AP3B1: variants seen among roughly 807,000 people sequenced by gnomAD.
The protein encoded by AP3B1 is adaptor related protein complex 3 subunit beta 1.
Under a neutral mutation model 132.5 loss-of-function variants are expected in AP3B1, and 61 were observed. The observed-to-expected ratio is 0.46, with a 90% CI of 0.37 to 0.57. AP3B1 has a LOEUF of 0.57. Ranked by LOEUF, AP3B1 falls within the 20% of genes least tolerant of loss-of-function variation. The pLI is 0.00. For synonymous variants in AP3B1, 388 were observed against 438.3 expected (o/e 0.89, Z 1.43); for missense variants, 1,120 against 1,289.4 (o/e 0.87, Z 2.01).
intron 3 of AP3B1, among the ~76,000 whole-genome samples, chr5:78,229,804 G>A (rs1029511373): frequency 1.3e-5 from 2 of 151,848 alleles, no homozygotes; most frequent in Admixed American, 1.3e-4. Context: ...GAAATGAGGG[G>A]AAAAAGTTGG....
At chr5:78,012,286 A>G (rs1008450401) in intron 26 of AP3B1, among the ~76,000 whole-genome samples, 3 of 152,036 alleles carry the variant, frequency 2.0e-5, no homozygotes, top group Non-Finnish European at 2.9e-5. Context: ...ATATTATTAT[A>G]ATGTAAACAC....
Position 78,039,769 on chromosome 5 carries a change from C to G in AP3B1, c.2578-495G>C, listed in dbSNP as rs1395693826. Among the ~76,000 whole-genome samples, 3 of 135,612 alleles carry G rather than the reference C, an allele frequency of 2.2e-5. No individual in the cohort carries two copies. In the East Asian group the frequency reaches 6.2e-4, roughly 28 times the overall value. The allele number at this position is 135,612 out of a possible 152,430, so 89.0% of individuals were successfully genotyped here. On this transcript the variant is annotated intron_variant, in intron 22 of 26. Transcript: ENST00000255194. ...CTCCAGCCTGGGCGACAGAGCGAGA[C>G]TCCGTCTCAAAAAAAAAAAAAAAGA... is the stretch of plus-strand genomic sequence containing the variant.
intron 6 of AP3B1, among the ~76,000 whole-genome samples, chr5:78,223,151 T>G (rs946155299): frequency 1.4e-4 from 21 of 151,532 alleles, no homozygotes; most frequent in African/African-American, 4.9e-4. Flanking sequence ...TGAACAATGG[T>G]GCGTGGCCAG....
At chr5:78,110,702 G>A (rs892922931) in intron 19 of AP3B1, among the ~76,000 whole-genome samples, 1 of 151,486 alleles carries the variant, frequency 6.6e-6, no homozygotes. Flanking sequence ...GTGTGTGTGT[G>A]TGTGTGTGTG....
intron 26 of AP3B1, among the ~76,000 whole-genome samples, chr5:78,010,665 C>A (rs1346322307): frequency 6.6e-6 from 1 of 152,100 alleles, no homozygotes; most frequent in Non-Finnish European, 1.5e-5. Flanking sequence ...GTTTTCCTGG[C>A]CCTGAATGAA....
intron 22 of AP3B1, among the ~76,000 whole-genome samples, chr5:78,075,085 C>T (rs894563296): frequency 1.3e-5 from 2 of 152,082 alleles, no homozygotes; most frequent in Admixed American, 1.3e-4. Flanking sequence ...TCCTTGCAGA[C>T]CAACTTGAAA....
chr5:78,292,608 AC>A (rs1478697422), intron 1 of AP3B1, among the ~76,000 whole-genome samples: 3 of 152,182 alleles, frequency 2.0e-5, no homozygotes, highest in Non-Finnish European at 4.4e-5. Context: ...GCAGAGAAGT[AC>A]CTGGTAATAA....
chr5:78,249,934 A>G (rs1185331010), intron 2 of AP3B1, among the ~76,000 whole-genome samples: 1 of 152,128 alleles, frequency 6.6e-6, no homozygotes, highest in Non-Finnish European at 1.5e-5. Context: ...TTCTTCTGTT[A>G]TCACCATTCT....
intron 22 of AP3B1, among the ~76,000 whole-genome samples, chr5:78,064,029 C>T (rs1198501429): frequency 6.8e-6 from 1 of 147,152 alleles, no homozygotes; most frequent in Non-Finnish European, 1.5e-5. Context: ...GGGGGTCGGG[C>T]AGGAAGAGGG....
intron 3 of AP3B1, among the ~76,000 whole-genome samples, chr5:78,234,495 C>T (rs571835643): frequency 5.9e-5 from 9 of 152,260 alleles, no homozygotes; most frequent in African/African-American, 2.2e-4. Context: ...CCTAAGAATA[C>T]AGCAATGGTA....
chr5:78,049,414 G>C (rs1748484958), intron 22 of AP3B1, among the ~76,000 whole-genome samples: 1 of 152,132 alleles, frequency 6.6e-6, no homozygotes, highest in African/African-American at 2.4e-5. Flanking sequence ...TCAATGAGTT[G>C]TACCAGCCCT....
intron 22 of AP3B1, among the ~76,000 whole-genome samples, chr5:78,074,741 G>A (rs1252813155): frequency 6.6e-6 from 1 of 152,184 alleles, no homozygotes; most frequent in Non-Finnish European, 1.5e-5. Context: ...CTGAGGTTAG[G>A]AGTTCGAGAC....
At chr5:78,035,629 T>G (rs1345883801) in intron 23 of AP3B1, among the ~76,000 whole-genome samples, 1 of 152,088 alleles carries the variant, frequency 6.6e-6, no homozygotes, top group Non-Finnish European at 1.5e-5. Context: ...AATGCTGATT[T>G]TAAAATGCTA....
intron 17 of AP3B1, among the ~76,000 whole-genome samples, chr5:78,116,585 T>G (rs1201112898): frequency 1.3e-5 from 2 of 151,414 alleles, no homozygotes; most frequent in Non-Finnish European, 2.9e-5. Context: ...CAAACACAAG[T>G]TGATAGCTTG....
chr5:78,112,868 T>G (rs964130854), intron 19 of AP3B1, among the ~76,000 whole-genome samples: 2 of 152,348 alleles, frequency 1.3e-5, no homozygotes, highest in East Asian at 3.9e-4. Context: ...TTTGCAATGA[T>G]GAAAAGCCTG....
chr5:78,113,976 C>T (rs760493944), intron 18 of AP3B1, 53 bp from the exon 19 acceptor site: 36 of 1,570,448 alleles, frequency 2.3e-5, no homozygotes, highest in Admixed American at 5.4e-5. Context: ...ATTAGACACA[C>T]GGACACCTGT....
chr5:78,082,809 G>A lies in AP3B1; in HGVS notation c.2577+6584C>T, dbSNP rs890827140. On this transcript the variant is annotated intron_variant, in intron 22 of 26. Transcript: ENST00000255194. ...TATGGTATTATGACATTTGGGGATT[G>A]CCTTGGGAACCCTTTTTTTTTTTTA... 9.2e-5 allele frequency among the ~76,000 whole-genome samples: 14 copies of A among 151,932 alleles called. No homozygotes were observed. The East Asian group carries it at 2.5e-3, about 27-fold the overall frequency.
At chr5:78,043,425 T>G (rs917073067) in intron 22 of AP3B1, 2 of 214,766 alleles carry the variant, frequency 9.3e-6, no homozygotes, top group Non-Finnish European at 2.0e-5. Flanking sequence ...CCATTGTGCC[T>G]GGCCTATCTT....
chr5:78,063,943 G>C (rs1195037224), intron 22 of AP3B1, among the ~76,000 whole-genome samples: 1 of 151,640 alleles, frequency 6.6e-6, no homozygotes, highest in African/African-American at 2.4e-5. Flanking sequence ...ATTAACACTA[G>C]GTGGAAAAGG....
Sources: gnomAD v4.1 joint callset for allele counts (sites outside exome capture counted in the v4.1 genomes callset) on GRCh38, gnomAD v4.1.1 for gene constraint, MANE v1.5 for transcripts, NCBI Gene and HGNC (gene_info 2026-07-23, HGNC 2026-07-21) for gene names.